DDAH1: variants seen among roughly 807,000 people sequenced by gnomAD.
The protein encoded by DDAH1 is N(G),N(G)-dimethylarginine dimethylaminohydrolase 1.
A neutral mutation model predicts 28.8 loss-of-function variants in DDAH1; 19 were observed. The observed-to-expected ratio is 0.66, with a 90% CI of 0.46 to 0.97. DDAH1 has a LOEUF of 0.97. Among genes scored for constraint, DDAH1 ranks in the 50% least tolerant of loss-of-function variants. DDAH1 has a pLI of 0.00. For missense variants in DDAH1, 326 were observed against 375.9 expected, an observed-to-expected ratio of 0.87 and a Z score of 1.10; for synonymous variants, 153 against 154.4, an observed-to-expected ratio of 0.99 and a Z score of 0.07.
At chr1:85,435,271 C>T (rs1321166649) in intron 1 of DDAH1, 3 of 152,288 alleles carry the variant, frequency 2.0e-5, no homozygotes, top group Middle Eastern at 3.4e-3. Context: ...AAACTCAGTA[C>T]CTTTGGACTA....
At chr1:85,402,905 T>A (rs1164197519) in intron 1 of DDAH1, among the ~76,000 whole-genome samples, 1 of 22,316 alleles carries the variant, frequency 4.5e-5, no homozygotes, top group Non-Finnish European at 9.1e-5. Context: ...CGAGACTCCA[T>A]CTCAAAAAAA....
intron 1 of DDAH1, among the ~76,000 whole-genome samples, chr1:85,566,709 A>T (rs557432265): frequency 6.6e-6 from 1 of 152,320 alleles, no homozygotes; most frequent in South Asian, 2.1e-4. Context: ...GGGATAAAGA[A>T]ATTGTATTAG....
intron 1 of DDAH1, among the ~76,000 whole-genome samples, chr1:85,445,489 T>C (rs1654392009): frequency 6.6e-6 from 1 of 152,242 alleles, no homozygotes; most frequent in Non-Finnish European, 1.5e-5. Flanking sequence ...GGCATCAATT[T>C]AGGACAGACG....
intron 4 of DDAH1, among the ~76,000 whole-genome samples, chr1:85,341,493 A>G (rs1334646591): frequency 6.6e-6 from 1 of 152,250 alleles, no homozygotes; most frequent in Non-Finnish European, 1.5e-5. Context: ...TCAAACAGGC[A>G]TAAAAACATT....
intron 1 of DDAH1, among the ~76,000 whole-genome samples, chr1:85,497,420 C>T (rs1039014369): frequency 6.6e-6 from 1 of 152,210 alleles, no homozygotes; most frequent in Non-Finnish European, 1.5e-5. Context: ...GTCCTTTTTA[C>T]AGCAGTGTTC....
chr1:85,423,167 AC>A (rs1653227948), intron 1 of DDAH1, among the ~76,000 whole-genome samples: 1 of 152,186 alleles, frequency 6.6e-6, no homozygotes, highest in Non-Finnish European at 1.5e-5. Flanking sequence ...TGTACTGATT[AC>A]CGTGACTTTA....
At chr1:85,446,978 G>A (rs1346677693) in intron 1 of DDAH1, among the ~76,000 whole-genome samples, 1 of 152,180 alleles carries the variant, frequency 6.6e-6, no homozygotes, top group Non-Finnish European at 1.5e-5. Flanking sequence ...TCAACAGGAA[G>A]AAAGAAAGGT....
At chr1:85,559,780 C>T (rs1659088953) in intron 1 of DDAH1, among the ~76,000 whole-genome samples, 1 of 144,614 alleles carries the variant, frequency 6.9e-6, no homozygotes, top group Non-Finnish European at 1.5e-5. Flanking sequence ...AGAATATACC[C>T]AAAATGAAGC....
chr1:85,502,259 A>T (rs1656845382), intron 1 of DDAH1, among the ~76,000 whole-genome samples: 1 of 152,178 alleles, frequency 6.6e-6, no homozygotes, highest in African/African-American at 2.4e-5. Context: ...TTCACCTTTA[A>T]TTCTGATATG....
At chr1:85,428,765 T>C (rs1313104407) in intron 1 of DDAH1, among the ~76,000 whole-genome samples, 1 of 152,110 alleles carries the variant, frequency 6.6e-6, no homozygotes, top group Non-Finnish European at 1.5e-5. Flanking sequence ...CAAAGAATGC[T>C]GTGCTTTATT....
chr1:85,504,956 T>G (rs1402931271), intron 1 of DDAH1, among the ~76,000 whole-genome samples: 2 of 129,930 alleles, frequency 1.5e-5, no homozygotes, highest in Non-Finnish European at 3.2e-5. Flanking sequence ...TGGCCCTCAA[T>G]GATTCTTTTT....
At chr1:85,404,397 C>T in intron 1 of DDAH1, 1 of 1,535,208 alleles carries the variant, frequency 6.5e-7, no homozygotes, top group Non-Finnish European at 8.7e-7. Context: ...TGACTGCCAT[C>T]AAATTGCCAT....
chr1:85,555,733 T>C (rs183449725), intron 1 of DDAH1, among the ~76,000 whole-genome samples: 1 of 152,246 alleles, frequency 6.6e-6, no homozygotes. Flanking sequence ...AGGTATAGTT[T>C]AGGAAGATGA....
chr1:85,403,316 A>C (rs1161546223), intron 1 of DDAH1, among the ~76,000 whole-genome samples: 1 of 151,984 alleles, frequency 6.6e-6, no homozygotes, highest in Non-Finnish European at 1.5e-5. Flanking sequence ...TGTAAAGTAA[A>C]ACAGAATAGT....
chr1:85,531,274 C>G (rs1357970604), intron 1 of DDAH1, among the ~76,000 whole-genome samples: 1 of 151,954 alleles, frequency 6.6e-6, no homozygotes, highest in African/African-American at 2.4e-5. Context: ...TTAACCCCAT[C>G]TGAGACATAG....
At chr1:85,434,823 C>CA (rs1019340982) in intron 1 of DDAH1, among the ~76,000 whole-genome samples, 4 of 151,684 alleles carry the variant, frequency 2.6e-5, no homozygotes, top group Non-Finnish European at 5.9e-5. Flanking sequence ...ACTTCCCAAG[C>CA]AAAAAATCCT....
chr1:85,383,114 T>C (rs1651078754), intron 1 of DDAH1, among the ~76,000 whole-genome samples: 1 of 152,228 alleles, frequency 6.6e-6, no homozygotes, highest in Non-Finnish European at 1.5e-5. Flanking sequence ...CATAGGGCTA[T>C]TGCTGCCAAA....
intron 4 of DDAH1, among the ~76,000 whole-genome samples, chr1:85,333,527 C>T (rs1419428444): frequency 6.6e-6 from 1 of 151,272 alleles, no homozygotes; most frequent in Non-Finnish European, 1.5e-5. Context: ...AAAATAACAA[C>T]ATTAAGGAAG....
At chr1:85,426,926 A>C (rs1653424332) in intron 1 of DDAH1, among the ~76,000 whole-genome samples, 1 of 146,560 alleles carries the variant, frequency 6.8e-6, no homozygotes, top group African/African-American at 2.5e-5. Context: ...AAAAACAAAA[A>C]AAAAAAAAAA....
Sources: allele counts gnomAD v4.1 joint callset (sites outside exome capture counted in the v4.1 genomes callset), GRCh38; gene constraint gnomAD v4.1.1; transcripts MANE v1.5; gene names NCBI Gene and HGNC (gene_info 2026-07-23, HGNC 2026-07-21).